Variants in SEPTIN6 observed in about 807,000 individuals in gnomAD.
The protein encoded by SEPTIN6 is septin-6.
A neutral mutation model predicts 33.6 loss-of-function variants in SEPTIN6; 8 were observed. That is an observed-to-expected ratio of 0.24 (90% CI 0.14 to 0.43). The LOEUF is 0.43. Among genes scored for constraint, SEPTIN6 ranks in the 20% least tolerant of loss-of-function variants. The pLI, the probability that SEPTIN6 is intolerant of heterozygous loss-of-function variation, is 1.00. For synonymous variants in SEPTIN6, 131 were observed against 140.0 expected (o/e 0.94, Z 0.45); for missense variants, 250 against 340.8 (o/e 0.73, Z 2.10).
intron 3 of SEPTIN6, among the ~76,000 whole-genome samples, chrX:119,660,547 T>C (rs1176559833): frequency 8.9e-6 from 1 of 112,247 alleles, no homozygotes; most frequent in East Asian, 2.8e-4. Context: ...CAAGCCATTA[T>C]TATCAAGGCA....
downstream of SEPTIN6, chrX:119,616,612 G>A: frequency 3.6e-6 from 3 of 829,029 alleles, no homozygotes; most frequent in Non-Finnish European, 5.4e-6. Flanking sequence ...GTATGTGTGT[G>A]TGCTTGCAGT....
At chrX:119,689,793 C>A (rs755065017) in intron 1 of SEPTIN6, among the ~76,000 whole-genome samples, 1 of 109,498 alleles carries the variant, frequency 9.1e-6, no homozygotes, top group South Asian at 3.9e-4. Flanking sequence ...TGCAGTGGTG[C>A]AATCTTGGCT....
intron 5 of SEPTIN6, among the ~76,000 whole-genome samples, chrX:119,649,260 T>C (rs772467008): frequency 9.3e-6 from 1 of 107,020 alleles, no homozygotes; most frequent in South Asian, 4.2e-4. Context: ...GCCTGGCTAA[T>C]TTTTGTATTT....
intron 2 of SEPTIN6, among the ~76,000 whole-genome samples, chrX:119,673,657 A>C (rs1294873166): frequency 9.1e-6 from 1 of 109,772 alleles, no homozygotes; most frequent in Non-Finnish European, 1.9e-5. Flanking sequence ...ACTTGAGGTC[A>C]GGAATTGAAA....
chrX:119,634,634 C>T (rs1454331637), intron 7 of SEPTIN6, among the ~76,000 whole-genome samples: 1 of 111,180 alleles, frequency 9.0e-6, no homozygotes, highest in Non-Finnish European at 1.9e-5. Flanking sequence ...GGAAGTAGTA[C>T]TAGATCCAAT....
At chrX:119,681,839 C>A (rs910194326) in intron 1 of SEPTIN6, among the ~76,000 whole-genome samples, 2 of 111,216 alleles carry the variant, frequency 1.8e-5, no homozygotes, top group African/African-American at 6.6e-5. Context: ...GAGTTTGAGA[C>A]CAACCTGGGC....
chrX:119,666,549 G>A (rs1036822641), intron 2 of SEPTIN6, among the ~76,000 whole-genome samples: 1 of 111,317 alleles, frequency 9.0e-6, no homozygotes. Context: ...GAGAGAGGAG[G>A]GAGACAGGGA....
At chrX:119,645,744 A>C (rs778630076) in intron 5 of SEPTIN6, among the ~76,000 whole-genome samples, 27 of 110,828 alleles carry the variant, frequency 2.4e-4, no homozygotes, top group South Asian at 3.8e-4. Flanking sequence ...GTTGGCCAGG[A>C]TGGTCTCGAT....
intron 9 of SEPTIN6, among the ~76,000 whole-genome samples, chrX:119,626,569 A>T (rs188942585): frequency 1.8e-5 from 2 of 112,088 alleles, no homozygotes; most frequent in African/African-American, 3.2e-5. Flanking sequence ...GTCCAAAGAG[A>T]CTTTTTTCTG....
chrX:119,665,293 G>A (rs1376843554), intron 2 of SEPTIN6, among the ~76,000 whole-genome samples: 1 of 109,756 alleles, frequency 9.1e-6, no homozygotes, highest in African/African-American at 3.3e-5. Context: ...CAGTAGAGAT[G>A]GGGTTTCACC....
intron 2 of SEPTIN6, among the ~76,000 whole-genome samples, chrX:119,671,980 T>C (rs2054758086): frequency 8.9e-6 from 1 of 111,952 alleles, no homozygotes. Flanking sequence ...TGGGCTGACA[T>C]TGCAGCTTCA....
Position 119,619,863 on chromosome X carries a change from A to G in SEPTIN6, c.*230T>C. ...GATGCAGGATGCATCTGCGAGCCACATGACTGTTGGCTTCTTGACCAGCGG... is the reference window on the plus strand; with the variant it reads ...GATGCAGGATGCATCTGCGAGCCACGTGACTGTTGGCTTCTTGACCAGCGG... On this transcript the variant is annotated 3_prime_UTR_variant, in exon 11 of 11. Coordinates refer to ENST00000394610, the MANE Select transcript of SEPTIN6 (RefSeq NM_145799.4). 9.2e-7 allele frequency: 1 copy of G among 1,083,998 alleles called. No homozygotes were observed. Among genetic ancestry groups the G allele is most frequent in the Non-Finnish European group, 1.2e-6 (1 of 834,083 alleles). 89.3% of individuals were successfully genotyped at this position (1,083,998 alleles called of 1,213,427 possible).
At chrX:119,662,817 CAA>C (rs1408805534) in intron 3 of SEPTIN6, among the ~76,000 whole-genome samples, 1 of 112,677 alleles carries the variant, frequency 8.9e-6, no homozygotes, top group Admixed American at 9.4e-5. Context: ...TCTGTCTAGC[CAA>C]AGAGAGCAAG....
intron 7 of SEPTIN6, among the ~76,000 whole-genome samples, chrX:119,635,829 T>C (rs182547725): frequency 1.5e-3 from 171 of 111,415 alleles, no homozygotes; most frequent in Admixed American, 4.5e-3. Context: ...GGACAGAGGC[T>C]GGTAAGAAAG....
chrX:119,642,931 G>A (rs2147506245), intron 5 of SEPTIN6, among the ~76,000 whole-genome samples: 1 of 111,218 alleles, frequency 9.0e-6, no homozygotes, highest in Admixed American at 9.6e-5. Flanking sequence ...TCTGGACATG[G>A]GAAAGAGGAG....
chrX:119,657,994 GT>G (rs1433535148), intron 3 of SEPTIN6, among the ~76,000 whole-genome samples: 3 of 111,170 alleles, frequency 2.7e-5, no homozygotes, highest in Non-Finnish European at 5.7e-5. Context: ...GGGCGTGGTG[GT>G]GGGCGCCTGT....
chrX:119,686,667 G>A (rs1347893825), intron 1 of SEPTIN6: 13 of 888,716 alleles, frequency 1.5e-5, no homozygotes, highest in Non-Finnish European at 1.9e-5. Context: ...GGAAGGGTCT[G>A]TGTTTCTAAT....
At chrX:119,620,349 T>C (rs760356732) in intron 10 of SEPTIN6, among the ~76,000 whole-genome samples, 51 of 104,593 alleles carry the variant, frequency 4.9e-4, no homozygotes, top group African/African-American at 1.6e-3. Flanking sequence ...GACAGAGTCT[T>C]GCTCTGTCAC....
chrX:119,643,220 C>T (rs1278606811), intron 5 of SEPTIN6, among the ~76,000 whole-genome samples: 1 of 110,038 alleles, frequency 9.1e-6, no homozygotes, highest in Non-Finnish European at 1.9e-5. Context: ...TGGAGAGACC[C>T]CACAGCTTCA....
Sources: allele counts gnomAD v4.1 joint callset (sites outside exome capture counted in the v4.1 genomes callset), GRCh38; gene constraint gnomAD v4.1.1; transcripts MANE v1.5; gene names NCBI Gene and HGNC (gene_info 2026-07-23, HGNC 2026-07-21).